Variants in SEMA3F observed in about 807,000 individuals in gnomAD.
SEMA3F encodes the protein semaphorin-3F.
A neutral mutation model predicts 98.5 loss-of-function variants in SEMA3F; 30 were observed. The observed-to-expected ratio is 0.30, with a 90% CI of 0.23 to 0.41. The LOEUF (loss-of-function observed/expected upper bound fraction) is 0.41. Ranked by LOEUF, SEMA3F falls within the 10% of genes least tolerant of loss-of-function variation. The pLI is 1.00. For synonymous variants in SEMA3F, 380 were observed against 444.8 expected, an observed-to-expected ratio of 0.85 and a Z score of 1.83; for missense variants, 866 against 1,119.3, an observed-to-expected ratio of 0.77 and a Z score of 3.23.
chr3:50,168,256 G>A (rs1362624949), intron 2 of SEMA3F, among the ~76,000 whole-genome samples: 1 of 152,082 alleles, frequency 6.6e-6, no homozygotes, highest in East Asian at 1.9e-4. Flanking sequence ...CAGGGAGGGT[G>A]CAGCTGGGGT....
chr3:50,176,156 G>A (rs1698801548), intron 6 of SEMA3F, among the ~76,000 whole-genome samples: 1 of 152,168 alleles, frequency 6.6e-6, no homozygotes, highest in Admixed American at 6.5e-5. Flanking sequence ...TTGACTCCTG[G>A]CTCCCTGGGG....
chr3:50,183,591 C>T, intron 12 of SEMA3F, 27 bp downstream of exon 12: 2 of 1,610,010 alleles, frequency 1.2e-6, no homozygotes, highest in East Asian at 4.5e-5. Flanking sequence ...TCCTGCCTCT[C>T]CCCTTTCTCT....
At chr3:50,171,949 T>A (rs1376210677) in intron 2 of SEMA3F, among the ~76,000 whole-genome samples, 1 of 152,208 alleles carries the variant, frequency 6.6e-6, no homozygotes, top group Non-Finnish European at 1.5e-5. Context: ...GCAAGACCTT[T>A]CCTTACCCAC....
Position 50,175,181 on chromosome 3 carries a change from C to A in SEMA3F, c.542C>A (p.Pro181Gln), listed in dbSNP as rs1348165663. 3 of 1,592,728 alleles carry A rather than the reference C, an allele frequency of 1.9e-6. No individual in the cohort carries two copies. In the Admixed American group the frequency reaches 5.2e-5, roughly 27 times the overall value. Reference sequence around the variant, plus strand: ...GCCCTCCGCCCGATGCCCACAGCCCCACGCCAGGTGGGCCTCATCCCTCCA... The same window carrying A: ...GCCCTCCGCCCGATGCCCACAGCCCAACGCCAGGTGGGCCTCATCCCTCCA... ...DGALRPMPTA[P>Q]RQDYIFYLEP... The change falls in exon 6 of 19, where the codon CCA becomes CAA. Residue 181 changes from proline to glutamine, a missense_variant. By Grantham distance (76) the Pro-to-Gln change is moderately conservative (BLOSUM62 -1). Coordinates refer to ENST00000002829, the MANE Select transcript of SEMA3F (RefSeq NM_004186.5).
intron 2 of SEMA3F, among the ~76,000 whole-genome samples, chr3:50,161,951 C>T (rs1338196539): frequency 1.3e-5 from 2 of 152,186 alleles, no homozygotes; most frequent in Non-Finnish European, 2.9e-5. Context: ...AGAAACTGGG[C>T]TCCCACCATC....
intron 2 of SEMA3F, among the ~76,000 whole-genome samples, chr3:50,161,160 G>A (rs1698193752): frequency 6.6e-6 from 1 of 152,174 alleles, no homozygotes; most frequent in Non-Finnish European, 1.5e-5. Flanking sequence ...TGGAAGGGAG[G>A]GGTGGCTTGG....
chr3:50,188,198 TAA>T lies in SEMA3F; in HGVS notation c.*86_*87del. ...AGATATATATATATATATATATATA[TAA>T]AATATCTATATTCTATACACACCCT... On this transcript the variant is annotated 3_prime_UTR_variant, in exon 19 of 19. Coordinates refer to ENST00000002829, the MANE Select transcript of SEMA3F (RefSeq NM_004186.5). The surrounding 1 kb of genome is among the most constrained non-coding windows in gnomAD (Gnocchi z 4.5). 5 of 454,318 alleles carry T rather than the reference TAA, an allele frequency of 1.1e-5. No individual in the cohort carries two copies. Among genetic ancestry groups the T allele is most frequent in the African/African-American group, 2.1e-5 (1 of 48,430 alleles). 28.1% of individuals were successfully genotyped at this position (454,318 alleles called of 1,614,324 possible).
rs919673410 is a variant in SEMA3F at position 50,158,721 on chromosome 3, C to T, written c.-48-854C>T. 6.6e-6 allele frequency among the ~76,000 whole-genome samples: 1 copy of T among 152,218 alleles called. No homozygotes were observed. The highest frequency in any genetic ancestry group is 6.5e-5 in the Admixed American group (1 of 15,278). On this transcript the variant is annotated intron_variant, in intron 1 of 18. Coordinates refer to ENST00000002829, the MANE Select transcript of SEMA3F (RefSeq NM_004186.5). The surrounding 1 kb of genome is among the most constrained non-coding windows in gnomAD (Gnocchi z 4.8). ...TTGTGCCGGGAGGGAGCAATATGTTCTGACAACTGGTGCTGGGCTGCGTTT... is the reference window on the plus strand; with the variant it reads ...TTGTGCCGGGAGGGAGCAATATGTTTTGACAACTGGTGCTGGGCTGCGTTT...
At chr3:50,170,767 C>A (rs368930011) in intron 2 of SEMA3F, among the ~76,000 whole-genome samples, 1 of 152,138 alleles carries the variant, frequency 6.6e-6, no homozygotes. Context: ...CCACCCCTTC[C>A]CCACCATGCG....
rs939719139 is a variant in SEMA3F, at chr3:50,166,743, T to A, written c.112+7009T>A. Among the ~76,000 whole-genome samples the A allele has an allele frequency of 6.6e-6, 1 of 152,196 alleles. No individual in the cohort carries two copies. Among genetic ancestry groups the A allele is most frequent in the Non-Finnish European group, 1.5e-5 (1 of 68,022 alleles). Reference sequence around the variant, plus strand: ...TGGGCCCAGGGGAGGGGGAGGGTTTTGACACCCACCAGCCTGTTGGTCCCA... The same window carrying A: ...TGGGCCCAGGGGAGGGGGAGGGTTTAGACACCCACCAGCCTGTTGGTCCCA... On this transcript the variant is annotated intron_variant, in intron 2 of 18. Transcript: ENST00000002829. This position sits in a 1 kb window ranked among gnomAD's most constrained non-coding sequence, Gnocchi z 4.7.
At chr3:50,160,032 T>G (rs148131687) in intron 2 of SEMA3F, among the ~76,000 whole-genome samples, 50 of 152,250 alleles carry the variant, frequency 3.3e-4, no homozygotes, top group Middle Eastern at 3.4e-3. Flanking sequence ...TGTATGATAA[T>G]TGGAGAGGTG....
chr3:50,160,658 G>A (rs1345063242), intron 2 of SEMA3F, among the ~76,000 whole-genome samples: 4 of 152,190 alleles, frequency 2.6e-5, no homozygotes, highest in South Asian at 2.1e-4. Flanking sequence ...TCATCCAGCC[G>A]CCTGCCCTGG....
intron 2 of SEMA3F, among the ~76,000 whole-genome samples, chr3:50,169,718 G>A (rs1027964389): frequency 4.1e-4 from 62 of 152,368 alleles, no homozygotes; most frequent in African/African-American, 1.3e-3. Flanking sequence ...AGAGCCGGGC[G>A]TGGGACAAGT....
rs779269160 is a variant in SEMA3F, at chr3:50,182,610, A to G, written c.764-34A>G. On this transcript the variant is annotated intron_variant, in intron 8 of 18. Transcript: ENST00000002829. This position sits in a 1 kb window ranked among gnomAD's most constrained non-coding sequence, Gnocchi z 4.5. Reference sequence around the variant, plus strand: ...AGAACATCAGGGGCACCATCAGAGTAGGGGCTCACCCAGCTGACCCCTGCC... The same window carrying G: ...AGAACATCAGGGGCACCATCAGAGTGGGGGCTCACCCAGCTGACCCCTGCC... The G allele has an allele frequency of 3.1e-6, 5 of 1,604,740 alleles. No individual in the cohort carries two copies. The South Asian group carries it at 4.4e-5, about 14-fold the overall frequency.
In SEMA3F at chr3:50,187,197, C is replaced by T. The variant is rs1699250417; in HGVS notation, c.1947+451C>T. Among the ~76,000 whole-genome samples, 3 of 152,146 alleles carry T rather than the reference C, an allele frequency of 2.0e-5. No homozygotes were observed. In the East Asian group the frequency reaches 5.8e-4, roughly 29 times the overall value. Reference sequence around the variant, plus strand: ...ACCCCAACACTTTGGGAAGCCAAGACAGGCAAATTGCTTGAGGTCAGGGGT... The same window carrying T: ...ACCCCAACACTTTGGGAAGCCAAGATAGGCAAATTGCTTGAGGTCAGGGGT... On this transcript the variant is annotated intron_variant, in intron 18 of 18. Coordinates refer to ENST00000002829, the MANE Select transcript of SEMA3F (RefSeq NM_004186.5).
At chr3:50,186,185 T>C in intron 16 of SEMA3F, 96 bp from the exon 17 acceptor site, 1 of 1,486,598 alleles carries the variant, frequency 6.7e-7, no homozygotes, top group Non-Finnish European at 9.2e-7. Flanking sequence ...ATCACTGCCC[T>C]GGGGAAAAAG....
At chr3:50,186,535 C>T (rs958899120) in intron 17 of SEMA3F, 78 bp from the exon 18 acceptor site, 2 of 1,533,056 alleles carry the variant, frequency 1.3e-6, no homozygotes, top group African/African-American at 2.7e-5. Context: ...AGTGGGTGCC[C>T]CTCGGTGCCT....
Position 50,188,593 on chromosome 3 carries a change from G to A in SEMA3F, c.*478G>A, listed in dbSNP as rs1346986065. 6.6e-6 allele frequency: 1 copy of A among 152,608 alleles called. No individual in the cohort carries two copies. Among genetic ancestry groups the A allele is most frequent in the African/African-American group, 2.4e-5 (1 of 41,466 alleles). 9.5% of individuals were successfully genotyped at this position (152,608 alleles called of 1,614,324 possible). ...GAGCACACAGAGAAGGGAAGAAGGG[G>A]CCATCACAGGATGCCAGCCCCTGCC... On this transcript the variant is annotated 3_prime_UTR_variant, in exon 19 of 19. Coordinates refer to ENST00000002829, the MANE Select transcript of SEMA3F (RefSeq NM_004186.5). This position sits in a 1 kb window ranked among gnomAD's most constrained non-coding sequence, Gnocchi z 4.5.
intron 13 of SEMA3F, 126 bp from the exon 14 acceptor site, chr3:50,185,317 C>T: frequency 1.1e-6 from 1 of 872,430 alleles, no homozygotes; most frequent in East Asian, 2.7e-5. Flanking sequence ...AACTCTTCCA[C>T]CTTGGCACAA....
Sources: gnomAD v4.1 joint callset for allele counts (sites outside exome capture counted in the v4.1 genomes callset) on GRCh38, gnomAD v4.1.1 for gene constraint, Gnocchi (gnomAD v3.1) non-coding constraint, MANE v1.5 for transcripts, NCBI Gene and HGNC (gene_info 2026-07-23, HGNC 2026-07-21) for gene names.